Variants in MFN1 observed in about 807,000 individuals in gnomAD.
The protein encoded by MFN1 is mitofusin 1, also known as mitofusin-1.
A neutral mutation model predicts 92.4 loss-of-function variants in MFN1; 65 were observed. The ratio of observed to expected loss-of-function variants is 0.70; its 90% CI spans 0.58 to 0.86. MFN1 has a LOEUF of 0.86. Among genes scored for constraint, MFN1 ranks in the 40% least tolerant of loss-of-function variants. MFN1 has a pLI of 0.00. For missense variants in MFN1, 781 were observed against 868.0 expected (o/e 0.90, Z 1.26); for synonymous variants, 297 against 300.9 (o/e 0.99, Z 0.13).
At chr3:179,352,710 T>TC (rs1181455983) in intron 3 of MFN1, among the ~76,000 whole-genome samples, 1 of 152,018 alleles carries the variant, frequency 6.6e-6, no homozygotes, top group East Asian at 1.9e-4. Context: ...TTCCATGCAT[T>TC]CCAGATTATA....
chr3:179,348,085 T>G (rs566315867), intron 1 of MFN1: 1 of 152,270 alleles, frequency 6.6e-6, no homozygotes, highest in Non-Finnish European at 1.5e-5. Flanking sequence ...CCCTGACTCC[T>G]GCGCCCGGTG....
chr3:179,373,110 C>T (rs1345246613), intron 9 of MFN1, among the ~76,000 whole-genome samples: 3 of 152,102 alleles, frequency 2.0e-5, no homozygotes, highest in African/African-American at 7.2e-5. Context: ...TGAAGCTAGG[C>T]AATGCAAGAA....
chr3:179,375,179 A>G lies in MFN1; in HGVS notation c.976-41A>G, dbSNP rs1206827821. ...TGTTTAAATTCCTGAAAATGTTGCGATGGAATTACAGTAATGTGTTACGGC... is the reference window on the plus strand; with the variant it reads ...TGTTTAAATTCCTGAAAATGTTGCGGTGGAATTACAGTAATGTGTTACGGC... On this transcript the variant is annotated intron_variant, in intron 9 of 17. Coordinates refer to ENST00000471841, the MANE Select transcript of MFN1 (RefSeq NM_033540.3). The G allele has an allele frequency of 3.3e-6, 5 of 1,512,930 alleles. No individual in the cohort carries two copies. The Admixed American group carries it at 1.1e-4, about 35-fold the overall frequency. The allele number at this position is 1,512,930 out of a possible 1,614,324, so 93.7% of individuals were successfully genotyped here. A position where few individuals can be genotyped will look rare whatever the true frequency, so the allele number is the denominator to read the frequency against.
At position 179,390,128 on chromosome 3, in the gene MFN1, A is replaced by C; in HGVS notation, c.2137A>C (p.Lys713Gln). 1.3e-6 allele frequency: 2 copies of C among 1,587,858 alleles called. No individual in the cohort carries two copies. The highest frequency in any genetic ancestry group is 1.2e-5 in the South Asian group (1 of 84,310). Residue 713 changes from lysine to glutamine, a missense_variant, in exon 17 of 18, where the codon AAG becomes CAG. By Grantham distance (53) the Lys-to-Gln change is moderately conservative (BLOSUM62 1). Transcript: ENST00000471841. ...DQLEKIQNNS[K>Q]LLRNKAVQLE... is the part of the protein sequence containing the mutation. ...GTTGGAGAAAATACAAAACAATTCA[A>C]AGCTCTTAAGGTATTTAAACCTTTC...
chr3:179,350,851 T>C (rs983567060), intron 2 of MFN1, among the ~76,000 whole-genome samples: 3 of 152,098 alleles, frequency 2.0e-5, no homozygotes, highest in African/African-American at 7.2e-5. Context: ...AGATGAATCT[T>C]TTTGTTTTTG....
At chr3:179,349,022 T>C in intron 2 of MFN1, 59 bp downstream of exon 2, 1 of 1,381,008 alleles carries the variant, frequency 7.2e-7, no homozygotes, top group South Asian at 1.3e-5. Flanking sequence ...AAGTGCTTAT[T>C]CTTTCAACGT....
rs1236121645 is a variant in MFN1 at position 179,348,868 on chromosome 3, C to T, written c.17C>T (p.Ser6Phe). The T allele has an allele frequency of 1.9e-6, 3 of 1,609,768 alleles. No individual in the cohort carries two copies. The highest frequency in any genetic ancestry group is 2.7e-5 in the African/African-American group (2 of 74,882). Residue 6 changes from serine to phenylalanine, a missense_variant, in exon 2 of 18, where the codon TCT (serine) becomes TTT (phenylalanine). By Grantham distance (155) the Ser-to-Phe change is radical. Coordinates refer to ENST00000471841, the MANE Select transcript of MFN1 (RefSeq NM_033540.3). MAEPVSPLKHFVLAKK... is the reference protein window; with the variant it reads MAEPVFPLKHFVLAKK... ...AGTAGCATAATGGCAGAACCTGTTT[C>T]TCCACTGAAGCACTTTGTGCTGGCT... is the stretch of plus-strand genomic sequence containing the variant.
chr3:179,363,375 C>A (rs567266605), intron 5 of MFN1, among the ~76,000 whole-genome samples: 1 of 152,024 alleles, frequency 6.6e-6, no homozygotes, highest in Admixed American at 6.6e-5. Flanking sequence ...TGTGAGCTGC[C>A]GTACCTGGCT....
At chr3:179,376,890 T>G (rs557603020) in intron 10 of MFN1, 152 bp from the exon 11 acceptor site, 1 of 633,704 alleles carries the variant, frequency 1.6e-6, no homozygotes, top group Non-Finnish European at 2.6e-6. Flanking sequence ...ACTTTATAAG[T>G]GAAATATTAC....
intron 7 of MFN1, 99 bp downstream of exon 7, chr3:179,365,324 C>A: frequency 3.0e-6 from 2 of 673,042 alleles, no homozygotes; most frequent in Non-Finnish European, 4.7e-6. Context: ...ATTATAAGAG[C>A]TATTCCATGA....
chr3:179,387,685 C>A (rs1214085641), intron 16 of MFN1, among the ~76,000 whole-genome samples: 1 of 143,358 alleles, frequency 7.0e-6, no homozygotes, highest in Non-Finnish European at 1.5e-5. Flanking sequence ...CCTCCACCTT[C>A]CTCATTCAAG....
chr3:179,361,914 C>G (rs1712595903), intron 4 of MFN1, among the ~76,000 whole-genome samples: 1 of 152,216 alleles, frequency 6.6e-6, no homozygotes. Flanking sequence ...ATAATGGCCT[C>G]CAGCTCCATC....
At chr3:179,386,357 A>C in intron 15 of MFN1, 76 bp from the exon 16 acceptor site, 1 of 1,150,560 alleles carries the variant, frequency 8.7e-7, no homozygotes, top group Non-Finnish European at 1.3e-6. Context: ...ATCCATAGGG[A>C]ACTAAAATGC....
intron 9 of MFN1, among the ~76,000 whole-genome samples, chr3:179,371,663 C>A (rs1713027338): frequency 6.6e-6 from 1 of 152,176 alleles, no homozygotes; most frequent in South Asian, 2.1e-4. Flanking sequence ...ACAGTTATTT[C>A]ACCATTAATT....
At chr3:179,375,148 T>A (rs1289929062) in intron 9 of MFN1, 72 bp from the exon 10 acceptor site, 7 of 1,445,348 alleles carry the variant, frequency 4.8e-6, no homozygotes, top group Non-Finnish European at 5.5e-6. Context: ...AAACAGCAAG[T>A]TTTTGTGTTT....
chr3:179,380,340 T>C (rs1713418664), intron 14 of MFN1, among the ~76,000 whole-genome samples: 1 of 152,196 alleles, frequency 6.6e-6, no homozygotes, highest in African/African-American at 2.4e-5. Context: ...AAGAACAGAA[T>C]AACTGTGCTG....
chr3:179,365,840 C>T (rs762155231), intron 7 of MFN1, among the ~76,000 whole-genome samples: 2 of 152,172 alleles, frequency 1.3e-5, no homozygotes, highest in East Asian at 1.9e-4. Context: ...TATTATTGTG[C>T]GTAGCATAGT....
At chr3:179,349,452 A>G (rs899470966) in intron 2 of MFN1, among the ~76,000 whole-genome samples, 5 of 152,178 alleles carry the variant, frequency 3.3e-5, no homozygotes, top group Non-Finnish European at 7.3e-5. Flanking sequence ...AAAGGGGGAA[A>G]AAGGAGTTTC....
Position 179,357,206 on chromosome 3 carries a change from G to A in MFN1, c.249-1634G>A, listed in dbSNP as rs191849381. 5.6e-4 allele frequency among the ~76,000 whole-genome samples: 85 copies of A among 152,270 alleles called. 2 individuals carry two copies. The highest frequency in any genetic ancestry group is 1.7e-3 in the African/African-American group (72 of 41,568). On this transcript the variant is annotated intron_variant, in intron 3 of 17. Transcript: ENST00000471841. ...CAGAGCTCCTGTCTATAGAAAGAAT[G>A]GGGGTGCAAATGGTCAGTATCTGGT...
Sources: gnomAD v4.1 joint callset for allele counts (sites outside exome capture counted in the v4.1 genomes callset) on GRCh38, gnomAD v4.1.1 for gene constraint, MANE v1.5 for transcripts, NCBI Gene and HGNC (gene_info 2026-07-23, HGNC 2026-07-21) for gene names.